Variants in B4GALNT3 observed in about 807,000 individuals in gnomAD.
The protein encoded by B4GALNT3 is beta-1,4-N-acetyl-galactosaminyltransferase 3, also known as beta-1,4-N-acetylgalactosaminyltransferase 3.
In B4GALNT3, 86 loss-of-function variants were observed where a neutral mutation model predicts 120.2. The ratio of observed to expected loss-of-function variants is 0.72; its 90% CI spans 0.60 to 0.86. The LOEUF (loss-of-function observed/expected upper bound fraction) is 0.86. B4GALNT3 is among the 40% of genes least tolerant of loss of function. The pLI, the probability that B4GALNT3 is intolerant of heterozygous loss-of-function variation, is 0.00. For missense variants in B4GALNT3, 1,167 were observed against 1,298.9 expected, an observed-to-expected ratio of 0.90 and a Z score of 1.56; for synonymous variants, 518 against 510.4, an observed-to-expected ratio of 1.01 and a Z score of -0.20.
At chr12:530,911 G>T (rs1462846708) in intron 1 of B4GALNT3, among the ~76,000 whole-genome samples, 4 of 152,162 alleles carry the variant, frequency 2.6e-5, no homozygotes, top group African/African-American at 9.7e-5. Flanking sequence ...GGCCCACGGT[G>T]GTGCTTTATC....
intron 1 of B4GALNT3, among the ~76,000 whole-genome samples, chr12:499,557 T>C (rs1946420371): frequency 7.6e-6 from 1 of 130,774 alleles, no homozygotes; most frequent in Middle Eastern, 3.6e-3. Flanking sequence ...AGAACACTCC[T>C]AGCCCGTGGA....
At chr12:544,834 C>T in intron 4 of B4GALNT3, 48 bp from the exon 5 acceptor site, 2 of 1,588,456 alleles carry the variant, frequency 1.3e-6, no homozygotes, top group Non-Finnish European at 1.7e-6. Context: ...CGGGAAGTTT[C>T]CTTTTCCCTC....
intron 1 of B4GALNT3, among the ~76,000 whole-genome samples, chr12:522,601 A>C (rs1463194929): frequency 6.6e-6 from 1 of 152,110 alleles, no homozygotes; most frequent in East Asian, 1.9e-4. Flanking sequence ...GGTGAACAAC[A>C]GTTTGAATGT....
chr12:512,057 T>G (rs1332368903), intron 1 of B4GALNT3, among the ~76,000 whole-genome samples: 3 of 135,588 alleles, frequency 2.2e-5, no homozygotes, highest in Middle Eastern at 4.3e-3. Flanking sequence ...ACCTTCGACC[T>G]TCTTCCACCT....
intron 1 of B4GALNT3, among the ~76,000 whole-genome samples, chr12:495,131 T>G (rs1946376608): frequency 6.6e-6 from 1 of 152,200 alleles, no homozygotes; most frequent in African/African-American, 2.4e-5. Context: ...CCTTCTCTTT[T>G]ACAGATTAAA....
rs144307244 is a variant in B4GALNT3, at chr12:549,492, A to T, written c.854-277A>T. ...GCGTACTTAATGCCACATTTCTAGC[A>T]GTCCGCAGTAACACATTTTGAGAAA... On this transcript the variant is annotated intron_variant, in intron 9 of 19. Transcript: ENST00000266383. 3.1e-4 allele frequency among the ~76,000 whole-genome samples: 48 copies of T among 152,396 alleles called. No homozygotes were observed. The East Asian group carries it at 5.0e-3, about 16-fold the overall frequency.
chr12:547,824 C>T (rs1218870723), intron 7 of B4GALNT3, among the ~76,000 whole-genome samples, 200 bp from the exon 8 acceptor site: 1 of 152,162 alleles, frequency 6.6e-6, no homozygotes, highest in Non-Finnish European at 1.5e-5. Context: ...TCTGATTATG[C>T]CCATCTCACC....
intron 1 of B4GALNT3, among the ~76,000 whole-genome samples, chr12:530,493 C>T (rs1946796009): frequency 6.6e-6 from 1 of 152,178 alleles, no homozygotes; most frequent in South Asian, 2.1e-4. Context: ...CACCAGGCGT[C>T]AGGAGAAATA....
intron 1 of B4GALNT3, among the ~76,000 whole-genome samples, chr12:475,650 C>T (rs1946177678): frequency 6.6e-6 from 1 of 152,166 alleles, no homozygotes; most frequent in African/African-American, 2.4e-5. Context: ...TCTCTCATCT[C>T]TTCCCTGAAG....
chr12:511,329 C>G (rs1173596303), intron 1 of B4GALNT3, among the ~76,000 whole-genome samples: 9 of 124,952 alleles, frequency 7.2e-5, no homozygotes, highest in Admixed American at 5.3e-4. Context: ...CTGCCTTCCA[C>G]CTTCCACCTT....
chr12:461,023 T>TGG (rs1482099514), intron 1 of B4GALNT3, among the ~76,000 whole-genome samples: 1 of 152,186 alleles, frequency 6.6e-6, no homozygotes, highest in African/African-American at 2.4e-5. Context: ...GCCTTCTGTT[T>TGG]GGCTCACTCC....
chr12:512,161 TTCCACCTTCC>T, intron 1 of B4GALNT3, among the ~76,000 whole-genome samples: 1 of 98,752 alleles, frequency 1.0e-5, no homozygotes, highest in Non-Finnish European at 1.9e-5. Context: ...GCCTTCCGCC[TTCCACCTTCC>T]GCCTTCCGCC....
chr12:501,597 A>G (rs949323726), intron 1 of B4GALNT3, among the ~76,000 whole-genome samples: 6 of 152,172 alleles, frequency 3.9e-5, no homozygotes, highest in Non-Finnish European at 5.9e-5. Flanking sequence ...AGAAAAAGGA[A>G]AAAGAAATAG....
At position 548,400 on chromosome 12, in the gene B4GALNT3, C is replaced by T. The variant is rs927437894; in HGVS notation, c.853+103C>T. The T allele has an allele frequency of 2.6e-5, 29 of 1,108,960 alleles. No individual in the cohort carries two copies. The highest frequency in any genetic ancestry group is 2.2e-4 in the African/African-American group (14 of 64,604). 68.7% of individuals were successfully genotyped at this position (1,108,960 alleles called of 1,614,324 possible). A position where few individuals can be genotyped will look rare whatever the true frequency, so the allele number is the denominator to read the frequency against. ...AGGGGAGGAGGGGAGGAAGGAAGCT[C>T]GAGATGCTTGGGACACGGGTATGAA... On this transcript the variant is annotated intron_variant, in intron 9 of 19. Transcript: ENST00000266383. The surrounding 1 kb of genome is among the most constrained non-coding windows in gnomAD (Gnocchi z 4.9).
rs1946009167 is a variant in B4GALNT3, at chr12:460,461, C to A, written c.85C>A (p.Leu29Ile). ...LRRRFRLLLA[L>I]AVVSVGLWTL... ...GAGGCGCTTCCGGCTGCTGCTGGCG[C>A]TCGCCGTGGTGTCTGTGGGGCTCTG... is the stretch of plus-strand genomic sequence containing the variant. Residue 29 changes from leucine to isoleucine, a missense_variant, in exon 1 of 20, where the codon CTC (leucine) becomes ATC (isoleucine). By Grantham distance (5) the Leu-to-Ile change is conservative (BLOSUM62 2). This residue lies in a region of B4GALNT3 where 171 missense variants were observed against 161.3 expected (regional missense o/e 1.06). Coordinates refer to ENST00000266383, the MANE Select transcript of B4GALNT3 (RefSeq NM_173593.4). The surrounding 1 kb of genome is among the most constrained non-coding windows in gnomAD (Gnocchi z 8.0). The A allele has an allele frequency of 3.8e-6, 6 of 1,583,084 alleles. No homozygotes were observed. The highest frequency in any genetic ancestry group is 5.1e-6 in the Non-Finnish European group (6 of 1,166,672).
chr12:559,502 G>C, intron 19 of B4GALNT3, 81 bp downstream of exon 19: 3 of 1,580,986 alleles, frequency 1.9e-6, no homozygotes, highest in Non-Finnish European at 2.6e-6. Flanking sequence ...CAGCAGCCTA[G>C]CTGTCCCCCT....
At chr12:507,780 C>G (rs1946512280) in intron 1 of B4GALNT3, among the ~76,000 whole-genome samples, 1 of 146,490 alleles carries the variant, frequency 6.8e-6, no homozygotes, top group Non-Finnish European at 1.5e-5. Context: ...ACATTCCTGC[C>G]CCTGGAAATC....
Position 543,792 on chromosome 12 carries a change from G to T in B4GALNT3, c.352-547G>T, listed in dbSNP as rs1214317924. ...AGAGCTGAGGAGCTGGGGCAGGCAT[G>T]GGGTGCTCATCTTCCCGGAGCTGAG... On this transcript the variant is annotated intron_variant, in intron 3 of 19. Transcript: ENST00000266383. Among the ~76,000 whole-genome samples, 7 of 128,982 alleles carry T rather than the reference G, an allele frequency of 5.4e-5. 1 individual carries two copies. The highest frequency in any genetic ancestry group is 2.1e-4 in the African/African-American group (7 of 32,690). The allele number at this position is 128,982 out of a possible 152,430, so 84.6% of individuals were successfully genotyped here.
chr12:558,936 A>T (rs1947192008), intron 18 of B4GALNT3, among the ~76,000 whole-genome samples: 1 of 151,562 alleles, frequency 6.6e-6, no homozygotes, highest in African/African-American at 2.4e-5. Context: ...TGTGTGCCAG[A>T]TGCTCTGCCC....
Sources: gnomAD v4.1 joint callset for allele counts (sites outside exome capture counted in the v4.1 genomes callset) on GRCh38, gnomAD v4.1.1 for gene constraint, gnomAD v4.1.1 regional missense constraint, Gnocchi (gnomAD v3.1) non-coding constraint, MANE v1.5 for transcripts, NCBI Gene and HGNC (gene_info 2026-07-23, HGNC 2026-07-21) for gene names.